The following PIP5K1C variants were observed in gnomAD, a reference collection of about 807,000 sequenced individuals.
PIP5K1C encodes the protein phosphatidylinositol-4-phosphate 5-kinase type 1 gamma.
In PIP5K1C, 45 loss-of-function variants were observed where a neutral mutation model predicts 80.1. The observed-to-expected ratio is 0.56, with a 90% CI of 0.44 to 0.72. PIP5K1C has a LOEUF of 0.72. PIP5K1C is among the 30% of genes least tolerant of loss of function. The pLI is 0.00. For synonymous variants in PIP5K1C, 498 were observed against 420.1 expected, an observed-to-expected ratio of 1.19 and a Z score of -2.27; for missense variants, 753 against 954.6, an observed-to-expected ratio of 0.79 and a Z score of 2.78.
chr19:3,675,706 C>A (rs910148070), intron 1 of PIP5K1C, among the ~76,000 whole-genome samples: 2 of 152,176 alleles, frequency 1.3e-5, no homozygotes, highest in Admixed American at 1.3e-4. Flanking sequence ...CAGGCACCCC[C>A]CAAAGCCCAT....
At position 3,632,809 on chromosome 19, in the gene PIP5K1C, A is replaced by C. The variant is rs10419573; in HGVS notation, c.*358T>G. The C allele has an allele frequency of 0.099, 27,248 of 273,916 alleles. 2,244 individuals carry two copies. The highest frequency in any genetic ancestry group is 0.24 in the East Asian group (2,832 of 11,598). 17.0% of individuals were successfully genotyped at this position (273,916 alleles called of 1,614,324 possible). ...ACAGGCAGGCACAGCAGAGAACCAA[A>C]GAGTGCAGTGGGCAGGGGCTCTTCT... On this transcript the variant is annotated 3_prime_UTR_variant, in exon 18 of 18. Coordinates refer to ENST00000335312, the MANE Select transcript of PIP5K1C (RefSeq NM_012398.3).
intron 1 of PIP5K1C, among the ~76,000 whole-genome samples, chr19:3,685,213 T>C (rs1260255470): frequency 6.6e-6 from 1 of 152,186 alleles, no homozygotes; most frequent in African/African-American, 2.4e-5. Flanking sequence ...CTGGGGGTGA[T>C]GCCCGTGTCA....
Position 3,663,041 on chromosome 19 carries a change from T to A in PIP5K1C, c.220-1040A>T, listed in dbSNP as rs181375614. ...ACACCCGGCTAATTATTTTTTTGTA[T>A]TTTTAGTACAGACAAGGTTGCGCCA... On this transcript the variant is annotated intron_variant, in intron 3 of 17. Coordinates refer to ENST00000335312, the MANE Select transcript of PIP5K1C (RefSeq NM_012398.3). Among the ~76,000 whole-genome samples the A allele has an allele frequency of 9.9e-4, 150 of 152,096 alleles. 4 individuals carry two copies. The East Asian group carries it at 0.024, about 24-fold the overall frequency.
intron 2 of PIP5K1C, 119 bp downstream of exon 2, chr19:3,667,203 G>T: frequency 1.2e-6 from 1 of 823,042 alleles, no homozygotes; most frequent in South Asian, 1.4e-5. Flanking sequence ...GACACTGGAC[G>T]GCATTTGGGG....
At chr19:3,634,080 C>A (rs1599911231) in intron 16 of PIP5K1C, among the ~76,000 whole-genome samples, 1 of 152,148 alleles carries the variant, frequency 6.6e-6, no homozygotes, top group African/African-American at 2.4e-5. Flanking sequence ...AGGCTCGGAC[C>A]ACCCACCCTG....
chr19:3,662,329 A>C (rs1047035337), intron 3 of PIP5K1C, among the ~76,000 whole-genome samples: 3 of 152,164 alleles, frequency 2.0e-5, no homozygotes, highest in African/African-American at 7.2e-5. Context: ...AACTTAGCAA[A>C]AGGGTCGATT....
In PIP5K1C at chr19:3,696,146, T is replaced by C. The variant is rs2145626458; in HGVS notation, c.94+4151A>G. On this transcript the variant is annotated intron_variant, in intron 1 of 17. Transcript: ENST00000335312. The surrounding 1 kb of genome is among the most constrained non-coding windows in gnomAD (Gnocchi z 4.1). ...CACTGTGCTCCAGGCAGGCGGGGCC[T>C]CTGCTGGGGCCATGCCCTCTTCCTG... Among the ~76,000 whole-genome samples the C allele has an allele frequency of 6.6e-6, 1 of 152,328 alleles. No individual in the cohort carries two copies. The highest frequency in any genetic ancestry group is 1.9e-4 in the East Asian group (1 of 5,180).
At chr19:3,698,117 G>T (rs1408642442) in intron 1 of PIP5K1C, among the ~76,000 whole-genome samples, 4 of 152,276 alleles carry the variant, frequency 2.6e-5, no homozygotes. Flanking sequence ...TCTGGAAGGT[G>T]TCGCCATCGC....
At chr19:3,663,030 AT>A (rs1343034392) in intron 3 of PIP5K1C, among the ~76,000 whole-genome samples, 1 of 149,352 alleles carries the variant, frequency 6.7e-6, no homozygotes, top group African/African-American at 2.5e-5. Context: ...CCGGCTAATT[AT>A]TTTTTTGTAT....
chr19:3,663,216 G>A (rs1237400974), intron 3 of PIP5K1C, among the ~76,000 whole-genome samples: 5 of 140,010 alleles, frequency 3.6e-5, no homozygotes, highest in Admixed American at 2.3e-4. Context: ...CTCACTGTGT[G>A]CTCTCGCGCC....
intron 1 of PIP5K1C, among the ~76,000 whole-genome samples, chr19:3,694,943 CG>C (rs1257648653): frequency 6.6e-6 from 1 of 152,264 alleles, no homozygotes; most frequent in African/African-American, 2.4e-5. Context: ...TCGTGGGACA[CG>C]TAGCCCCAAG....
intron 1 of PIP5K1C, among the ~76,000 whole-genome samples, chr19:3,694,754 A>C (rs112857674): frequency 6.6e-6 from 1 of 152,172 alleles, no homozygotes; most frequent in South Asian, 2.1e-4. Flanking sequence ...CGCCTGAGCC[A>C]CAGCCCACCC....
rs1012682028 is a variant in PIP5K1C at position 3,637,788 on chromosome 19, C to A, written c.1920+1096G>T. 7.4e-5 allele frequency: 114 copies of A among 1,533,952 alleles called. No individual in the cohort carries two copies. The highest frequency in any genetic ancestry group is 1.3e-4 in the South Asian group (11 of 84,002). The stretch of plus-strand genomic sequence containing the variant: ...GCCGGGGCAGGGGCAGGACCGAGGA[C>A]CCTTCTCCCTTCTCTGCTGCCCACC... On this transcript the variant is annotated intron_variant, in intron 16 of 17. Coordinates refer to ENST00000335312, the MANE Select transcript of PIP5K1C (RefSeq NM_012398.3). The surrounding 1 kb of genome is among the most constrained non-coding windows in gnomAD (Gnocchi z 7.0).
chr19:3,634,444 G>C (rs2033590639), intron 16 of PIP5K1C, among the ~76,000 whole-genome samples: 1 of 152,134 alleles, frequency 6.6e-6, no homozygotes, highest in Non-Finnish European at 1.5e-5. Flanking sequence ...CGGCACAGAT[G>C]ACCTGCGAAT....
intron 1 of PIP5K1C, among the ~76,000 whole-genome samples, chr19:3,670,581 A>G (rs2035174355): frequency 6.6e-6 from 1 of 152,246 alleles, no homozygotes; most frequent in South Asian, 2.1e-4. Flanking sequence ...CGCCTGTTCA[A>G]GGCCTGCTGC....
chr19:3,667,597 G>T (rs925989762), intron 1 of PIP5K1C, among the ~76,000 whole-genome samples: 2 of 152,250 alleles, frequency 1.3e-5, no homozygotes, highest in African/African-American at 4.8e-5. Context: ...CTAGAGCAGG[G>T]GAGAGGCTTT....
chr19:3,656,512 C>T lies in PIP5K1C; in HGVS notation c.514G>A (p.Ala172Thr), dbSNP rs751729903. The part of the protein sequence containing the change: ...EPLIELSNPG[A>T]SGSLFYVTSD... ...GTGACGTAGAAGAGGGAGCCACTGG[C>T]GCCCGGGTTGGACAGCTCGATCAGC... The change falls in exon 6 of 18, where the codon GCC (alanine) becomes ACC (threonine). Residue 172 changes from alanine to threonine, a missense_variant. By Grantham distance (58) the Ala-to-Thr change is moderately conservative. This residue lies in a region of PIP5K1C where 139 missense variants were observed against 289.7 expected (regional missense o/e 0.48). Transcript: ENST00000335312. 1 of 1,613,850 alleles carries T rather than the reference C, an allele frequency of 6.2e-7. No homozygotes were observed. Among genetic ancestry groups the T allele is most frequent in the Non-Finnish European group, 8.5e-7 (1 of 1,180,028 alleles).
chr19:3,637,638 C>A lies in PIP5K1C; in HGVS notation c.1920+1246G>T. 1 of 1,515,120 alleles carries A rather than the reference C, an allele frequency of 6.6e-7. No individual in the cohort carries two copies. The highest frequency in any genetic ancestry group is 8.8e-7 in the Non-Finnish European group (1 of 1,134,126). 93.9% of individuals were successfully genotyped at this position (1,515,120 alleles called of 1,614,324 possible). A position where few individuals can be genotyped will look rare whatever the true frequency, so the allele number is the denominator to read the frequency against. ...ACTGGACGGGGCGGGCCGGGTGGGC[C>A]GGAGGAGGAAGGAAAACAGAGGACA... On this transcript the variant is annotated intron_variant, in intron 16 of 17. Transcript: ENST00000335312. The surrounding 1 kb of genome is among the most constrained non-coding windows in gnomAD (Gnocchi z 7.0).
chr19:3,698,865 G>A (rs932362713), intron 1 of PIP5K1C, among the ~76,000 whole-genome samples: 7 of 152,004 alleles, frequency 4.6e-5, no homozygotes, highest in African/African-American at 1.5e-4. Flanking sequence ...GCCAGCTGGG[G>A]TCAGATTTCT....
Sources: gnomAD v4.1 joint callset for allele counts (sites outside exome capture counted in the v4.1 genomes callset) on GRCh38, gnomAD v4.1.1 for gene constraint, gnomAD v4.1.1 regional missense constraint, Gnocchi (gnomAD v3.1) non-coding constraint, MANE v1.5 for transcripts, NCBI Gene and HGNC (gene_info 2026-07-23, HGNC 2026-07-21) for gene names.